The following TAMM41 variants were observed in gnomAD, a reference collection of about 807,000 sequenced individuals.
TAMM41 encodes the protein TAM41 mitochondrial translocator assembly and maintenance homolog, also known as phosphatidate cytidylyltransferase, mitochondrial.
Under a neutral mutation model 44.1 loss-of-function variants are expected in TAMM41, and 36 were observed. The observed-to-expected ratio is 0.82, with a 90% CI of 0.63 to 1.08. TAMM41 has a LOEUF of 1.08. TAMM41 is among the 50% of genes least tolerant of loss of function. TAMM41 has a pLI of 0.00. For missense variants in TAMM41, 417 were observed against 404.3 expected (o/e 1.03, Z -0.27); for synonymous variants, 164 against 153.1 (o/e 1.07, Z -0.53).
chr3:11,732,321 TC>T, the TAMM41 span, among the ~76,000 whole-genome samples: 1 of 132,018 alleles, frequency 7.6e-6, no homozygotes, highest in Non-Finnish European at 1.7e-5. Flanking sequence ...CCTCCCTTTT[TC>T]CCTCTCTCTC....
chr3:11,846,306 T>G (rs1290988730), intron 1 of TAMM41, among the ~76,000 whole-genome samples, 196 bp downstream of exon 1: 1 of 152,246 alleles, frequency 6.6e-6, no homozygotes, highest in African/African-American at 2.4e-5. Flanking sequence ...CCACGTGGAT[T>G]CCTAAGTATC....
At chr3:11,758,114 A>C in the TAMM41 span, among the ~76,000 whole-genome samples, 72,691 of 151,972 alleles carry the variant, frequency 0.48, 18,432 homozygotes, top group South Asian at 0.63. Flanking sequence ...AGAAGGAAAG[A>C]ACAGCACAAG....
downstream of TAMM41, among the ~76,000 whole-genome samples, chr3:11,787,153 C>T (rs909243444): frequency 6.6e-6 from 1 of 152,182 alleles, no homozygotes; most frequent in African/African-American, 2.4e-5. Flanking sequence ...GCCAAGTGTC[C>T]TGAGAGAGAG....
chr3:11,801,332 T>C (rs1266687335), intron 7 of TAMM41, among the ~76,000 whole-genome samples: 1 of 146,148 alleles, frequency 6.8e-6, no homozygotes, highest in Non-Finnish European at 1.5e-5. Flanking sequence ...ATGAAGATTT[T>C]TTTCCCCTGA....
At chr3:11,734,878 C>CAAAAAAAAAAAAAAAAAAA in the TAMM41 span, among the ~76,000 whole-genome samples, 1 of 73,270 alleles carries the variant, frequency 1.4e-5, no homozygotes, top group African/African-American at 5.2e-5. Context: ...TACTAAAATA[C>CAAAAAAAAAAAAAAAAAAA]AAAAAAAAAA....
At chr3:11,804,195 A>T (rs971447239) in intron 7 of TAMM41, among the ~76,000 whole-genome samples, 1 of 152,180 alleles carries the variant, frequency 6.6e-6, no homozygotes, top group African/African-American at 2.4e-5. Context: ...TCTGCTGGTG[A>T]GTAGAAATAA....
At chr3:11,729,750 G>A in the TAMM41 span, among the ~76,000 whole-genome samples, 3 of 151,446 alleles carry the variant, frequency 2.0e-5, no homozygotes, top group Non-Finnish European at 4.4e-5. Context: ...AGTAGAGACA[G>A]AGTTTCACCA....
At chr3:11,829,186 G>A (rs2078880779) in intron 4 of TAMM41, among the ~76,000 whole-genome samples, 1 of 152,068 alleles carries the variant, frequency 6.6e-6, no homozygotes, top group South Asian at 2.1e-4. Context: ...TTCTCAAAGT[G>A]GGATCCCTGG....
chr3:11,793,202 A>C (rs1219998552), intron 7 of TAMM41, among the ~76,000 whole-genome samples: 1 of 152,210 alleles, frequency 6.6e-6, no homozygotes, highest in South Asian at 2.1e-4. Context: ...TCAGTAGGAA[A>C]ATGAGCAGAA....
At chr3:11,780,920 C>T in the TAMM41 span, among the ~76,000 whole-genome samples, 1 of 152,154 alleles carries the variant, frequency 6.6e-6, no homozygotes, top group South Asian at 2.1e-4. Context: ...CAGCATTGAT[C>T]GCTTCTCACC....
intron 7 of TAMM41, among the ~76,000 whole-genome samples, chr3:11,793,960 A>G (rs1180217828): frequency 6.6e-6 from 1 of 152,144 alleles, no homozygotes; most frequent in African/African-American, 2.4e-5. Context: ...ATTTCCTACT[A>G]CCAGAAAATT....
At position 11,790,589 on chromosome 3, in the gene TAMM41, A is replaced by C; in HGVS notation, c.938-8T>G. 6.2e-7 allele frequency: 1 copy of C among 1,608,750 alleles called. No homozygotes were observed. Among genetic ancestry groups the C allele is most frequent in the Non-Finnish European group, 8.5e-7 (1 of 1,175,850 alleles). On this transcript the variant is annotated splice_polypyrimidine_tract_variant and splice_region_variant and intron_variant, in intron 7 of 7. Coordinates refer to ENST00000455809, the MANE Select transcript of TAMM41 (RefSeq NM_001284401.2). ...TCACTGACTTCTTCAGGCCTAAAAG[A>C]GAAAAGATGAGAAAGTAAGAAGATG...
At chr3:11,737,863 T>C in the TAMM41 span, among the ~76,000 whole-genome samples, 1 of 152,370 alleles carries the variant, frequency 6.6e-6, no homozygotes, top group East Asian at 1.9e-4. Flanking sequence ...GACTGGTCGC[T>C]GGGCTCCTGT....
chr3:11,818,703 T>C (rs9681715), intron 4 of TAMM41, among the ~76,000 whole-genome samples: 24,986 of 151,818 alleles, frequency 0.16, 4,522 homozygotes, highest in East Asian at 0.48. Context: ...CAGACCATCC[T>C]GGCTAACACA....
chr3:11,772,070 T>A, the TAMM41 span, among the ~76,000 whole-genome samples: 1 of 147,288 alleles, frequency 6.8e-6, no homozygotes, highest in Admixed American at 6.9e-5. Context: ...TTTTTCTTTT[T>A]CTTTTTTTCT....
At chr3:11,723,686 G>A in the TAMM41 span, among the ~76,000 whole-genome samples, 3 of 151,894 alleles carry the variant, frequency 2.0e-5, no homozygotes, top group Non-Finnish European at 4.4e-5. Context: ...AATGGTTAAA[G>A]TGGTACATTT....
chr3:11,729,159 G>A, the TAMM41 span, among the ~76,000 whole-genome samples: 5 of 152,234 alleles, frequency 3.3e-5, no homozygotes, highest in Admixed American at 1.3e-4. Context: ...AGACATCTGA[G>A]TGGCATCTAA....
chr3:11,776,718 G>C, the TAMM41 span, among the ~76,000 whole-genome samples: 94,757 of 151,882 alleles, frequency 0.62, 30,214 homozygotes, highest in East Asian at 0.77. Context: ...CGTGACTGCA[G>C]AGACAGACCA....
At chr3:11,735,717 G>A in the TAMM41 span, among the ~76,000 whole-genome samples, 1 of 152,156 alleles carries the variant, frequency 6.6e-6, no homozygotes, top group Non-Finnish European at 1.5e-5. Flanking sequence ...GGAAGTCAAG[G>A]GTAGGATTAG....
Sources: gnomAD v4.1 joint callset for allele counts (sites outside exome capture counted in the v4.1 genomes callset) on GRCh38, gnomAD v4.1.1 for gene constraint, MANE v1.5 for transcripts, NCBI Gene and HGNC (gene_info 2026-07-23, HGNC 2026-07-21) for gene names.